The following DDX60 variants were observed in gnomAD, a reference collection of about 807,000 sequenced individuals.
DDX60 encodes the protein DExD/H-box helicase 60.
Under a neutral mutation model 212.8 loss-of-function variants are expected in DDX60, and 165 were observed. The ratio of observed to expected loss-of-function variants is 0.78; its 90% CI spans 0.68 to 0.88. The LOEUF is 0.88. DDX60 is among the 40% of genes least tolerant of loss of function. The pLI is 0.00. For missense variants in DDX60, 1,905 were observed against 2,003.9 expected (o/e 0.95, Z 0.94); for synonymous variants, 703 against 685.3 (o/e 1.03, Z -0.40).
At chr4:168,279,705 TAAAG>T (rs768802464) in intron 14 of DDX60, among the ~76,000 whole-genome samples, 2 of 152,132 alleles carry the variant, frequency 1.3e-5, no homozygotes, top group African/African-American at 2.4e-5. Flanking sequence ...ACGTGTTTGA[TAAAG>T]AAGTGAAACA....
At chr4:168,251,569 G>T (rs749557171) in intron 27 of DDX60, among the ~76,000 whole-genome samples, 1 of 152,190 alleles carries the variant, frequency 6.6e-6, no homozygotes, top group Non-Finnish European at 1.5e-5. Context: ...AAGAAATACG[G>T]TTGTGTCCAG....
chr4:168,251,398 C>A (rs1254750249), intron 27 of DDX60, among the ~76,000 whole-genome samples: 1 of 152,176 alleles, frequency 6.6e-6, no homozygotes, highest in African/African-American at 2.4e-5. Context: ...ACTGCTCTTG[C>A]CTGAGGGATA....
chr4:168,310,382 T>C (rs74407509), intron 3 of DDX60, among the ~76,000 whole-genome samples: 2,145 of 152,246 alleles, frequency 0.014, 53 homozygotes, highest in African/African-American at 0.049. Context: ...GTCACTATTG[T>C]TATGATCCAC....
In DDX60 at chr4:168,251,108, T is replaced by C; in HGVS notation, c.3706-2A>G. ...TCGACCAAATACCTTCTGCAAAGTC[T>C]AAAAGAAGCAAGACATTTAGGGATT... is the stretch of plus-strand genomic sequence containing the variant. On this transcript the variant is annotated splice_acceptor_variant, in intron 27 of 37. Coordinates refer to ENST00000393743, the MANE Select transcript of DDX60 (RefSeq NM_017631.6). LOFTEE classifies it high-confidence loss of function. 6.2e-7 allele frequency: 1 copy of C among 1,605,328 alleles called. No individual in the cohort carries two copies. Among genetic ancestry groups the C allele is most frequent in the Non-Finnish European group, 8.5e-7 (1 of 1,177,898 alleles).
intron 13 of DDX60, among the ~76,000 whole-genome samples, chr4:168,282,822 G>T (rs1489835103): frequency 6.6e-6 from 1 of 152,088 alleles, no homozygotes; most frequent in Non-Finnish European, 1.5e-5. Flanking sequence ...GATAATTTTA[G>T]ATCATAAACT....
intron 1 of DDX60, among the ~76,000 whole-genome samples, chr4:168,317,057 CAAAAAAAAAA>C (rs34647800): frequency 2.0e-5 from 1 of 49,810 alleles, no homozygotes; most frequent in Non-Finnish European, 4.0e-5. Flanking sequence ...GACTCCGTCT[CAAAAAAAAAA>C]AAAAAAAAAG....
At chr4:168,263,368 G>A (rs562816168) in intron 22 of DDX60, among the ~76,000 whole-genome samples, 1 of 152,208 alleles carries the variant, frequency 6.6e-6, no homozygotes, top group Non-Finnish European at 1.5e-5. Flanking sequence ...ATATTTTTAA[G>A]TGGAAATAAA....
At chr4:168,315,659 G>T (rs1737335701) in intron 1 of DDX60, among the ~76,000 whole-genome samples, 2 of 152,128 alleles carry the variant, frequency 1.3e-5, no homozygotes, top group Admixed American at 6.5e-5. Flanking sequence ...TCCCACTTAT[G>T]AGTGAGAACA....
At position 168,260,969 on chromosome 4, in the gene DDX60, A is replaced by C; in HGVS notation, c.3294T>G (p.Asn1098Lys). 1 of 1,613,200 alleles carries C rather than the reference A, an allele frequency of 6.2e-7. No homozygotes were observed. The highest frequency in any genetic ancestry group is 2.2e-5 in the East Asian group (1 of 44,828). The stretch of plus-strand genomic sequence containing the variant: ...GACTCAAATCTGCTTCAGGACTAAG[A>C]TTCTGAAGTACCATTCTGGCCTGTA... The part of the protein sequence containing the change: ...NVEQARMVLQ[N>K]LSPEADLSPE... The change falls in exon 25 of 38, where the codon AAT (asparagine) becomes AAG (lysine). Residue 1098 changes from asparagine to lysine, a missense_variant. By Grantham distance (94) the Asn-to-Lys change is moderately conservative. Transcript: ENST00000393743.
chr4:168,236,913 A>G, intron 32 of DDX60, among the ~76,000 whole-genome samples: 1 of 151,528 alleles, frequency 6.6e-6, no homozygotes, highest in Non-Finnish European at 1.5e-5. Context: ...TGTAATTATG[A>G]GTAATTTTTT....
At chr4:168,319,236 C>G (rs1737541376), upstream of DDX60, among the ~76,000 whole-genome samples, 2 of 151,684 alleles carry the variant, frequency 1.3e-5, no homozygotes, top group African/African-American at 4.8e-5. Flanking sequence ...AAGAGAGAGA[C>G]AAAGGCAATA....
At chr4:168,259,162 T>C (rs577323630) in intron 25 of DDX60, among the ~76,000 whole-genome samples, 1 of 152,212 alleles carries the variant, frequency 6.6e-6, no homozygotes. Flanking sequence ...ATTTGTCTTA[T>C]ATCAGTCTAA....
In DDX60 at chr4:168,267,924, G is replaced by T; in HGVS notation, c.2846C>A (p.Thr949Asn). 6 of 1,612,910 alleles carry T rather than the reference G, an allele frequency of 3.7e-6. No individual in the cohort carries two copies. The highest frequency in any genetic ancestry group is 5.1e-6 in the Non-Finnish European group (6 of 1,179,222). ...ACGACCCACATGTCTTTTAGAAGCG[G>T]TATTATTTTCAATTATTTTGTCTTC... is the stretch of plus-strand genomic sequence containing the variant. ...KQEDKIIENNTASKRHVGRQA... is the reference protein window; with the variant it reads ...KQEDKIIENNNASKRHVGRQA... The change falls in exon 21 of 38, where the codon ACC becomes AAC. Residue 949 changes from threonine to asparagine, a missense_variant. Physicochemically the swap from Thr to Asn is moderately conservative, Grantham distance 65 (BLOSUM62 0). Transcript: ENST00000393743.
intron 33 of DDX60, among the ~76,000 whole-genome samples, chr4:168,227,638 TA>T (rs1211607401): frequency 2.0e-5 from 3 of 152,160 alleles, no homozygotes; most frequent in Admixed American, 2.0e-4. Context: ...GTTATTTTCT[TA>T]AGCTAAAGTT....
the DDX60 span, among the ~76,000 whole-genome samples, chr4:168,324,763 T>G: frequency 3.3e-5 from 5 of 152,184 alleles, no homozygotes; most frequent in Admixed American, 3.3e-4. Context: ...TAAAGCTCCT[T>G]TATGAGTATT....
intron 14 of DDX60, among the ~76,000 whole-genome samples, chr4:168,278,722 A>G (rs1735458654): frequency 6.6e-6 from 1 of 152,124 alleles, no homozygotes; most frequent in Non-Finnish European, 1.5e-5. Context: ...CCAGATACTC[A>G]GGAGGCTGAG....
chr4:168,305,544 C>A (rs138482343), intron 5 of DDX60, among the ~76,000 whole-genome samples: 7 of 149,666 alleles, frequency 4.7e-5, no homozygotes, highest in Admixed American at 4.0e-4. Context: ...ATTTAATGTA[C>A]TAATTTTATT....
At position 168,283,313 on chromosome 4, in the gene DDX60, T is replaced by C. The variant is rs1735674344; in HGVS notation, c.1722+133A>G. On this transcript the variant is annotated intron_variant, in intron 13 of 37. Coordinates refer to ENST00000393743, the MANE Select transcript of DDX60 (RefSeq NM_017631.6). ...CAAGAGGTAAAAGAATAAGTAATCATATACAAAAATATATGCATATAAATA... is the reference window on the plus strand; with the variant it reads ...CAAGAGGTAAAAGAATAAGTAATCACATACAAAAATATATGCATATAAATA... 4 of 730,144 alleles carry C rather than the reference T, an allele frequency of 5.5e-6. No homozygotes were observed. In the East Asian group the frequency reaches 8.3e-5, roughly 15 times the overall value. The allele number at this position is 730,144 out of a possible 1,614,324, so 45.2% of individuals were successfully genotyped here.
At chr4:168,293,361 G>T (rs1037493489) in intron 7 of DDX60, among the ~76,000 whole-genome samples, 1 of 152,142 alleles carries the variant, frequency 6.6e-6, no homozygotes, top group Non-Finnish European at 1.5e-5. Context: ...TATTTAGTAC[G>T]TTTGGTTTGA....
Sources: allele counts gnomAD v4.1 joint callset (sites outside exome capture counted in the v4.1 genomes callset), GRCh38; gene constraint gnomAD v4.1.1; transcripts MANE v1.5; gene names NCBI Gene and HGNC (gene_info 2026-07-23, HGNC 2026-07-21).